SFT2D1: variants seen among roughly 807,000 people sequenced by gnomAD.
The protein encoded by SFT2D1 is SFT2 domain containing 1, also known as vesicle transport protein SFT2A.
SFT2D1 carries 24 observed loss-of-function variants against 28.1 expected under a neutral mutation model. The observed-to-expected ratio is 0.85, with a 90% CI of 0.62 to 1.20. SFT2D1 has a LOEUF of 1.20. Among genes scored for constraint, SFT2D1 ranks in the 50% most tolerant of loss-of-function variants. The pLI is 0.00. For missense variants in SFT2D1, 181 were observed against 190.9 expected (o/e 0.95, Z 0.31); for synonymous variants, 82 against 73.7 (o/e 1.11, Z -0.58).
At position 166,330,684 on chromosome 6, in the gene SFT2D1, C is replaced by T. The variant is rs191538308; in HGVS notation, c.64-437G>A. On this transcript the variant is annotated intron_variant, in intron 1 of 7. Coordinates refer to ENST00000361731, the MANE Select transcript of SFT2D1 (RefSeq NM_145169.3). ...CTCTCTGCCTCTGCAGGACGAATTC[C>T]TCAGGCTCCTAGATGCCAGAGTCTG... Among the ~76,000 whole-genome samples the T allele has an allele frequency of 6.6e-5, 10 of 152,364 alleles. No homozygotes were observed. The East Asian group carries it at 1.7e-3, about 26-fold the overall frequency.
Position 166,322,788 on chromosome 6 carries a change from C to T in SFT2D1, c.440+69G>A, listed in dbSNP as rs1778380787. The T allele has an allele frequency of 2.4e-6, 3 of 1,242,990 alleles. No homozygotes were observed. The Admixed American group carries it at 5.9e-5, about 24-fold the overall frequency. The allele number at this position is 1,242,990 out of a possible 1,614,324, so 77.0% of individuals were successfully genotyped here. ...AAATAGTATTTTTATGTAAAAATTA[C>T]TTAAATTCATATATTTGTGTGAAGA... On this transcript the variant is annotated intron_variant, in intron 7 of 7. Transcript: ENST00000361731.
chr6:166,334,394 C>A (rs1013886478), intron 1 of SFT2D1, among the ~76,000 whole-genome samples: 1 of 152,236 alleles, frequency 6.6e-6, no homozygotes, highest in Non-Finnish European at 1.5e-5. Context: ...CAGTTCAAGA[C>A]CTGCCTGGGC....
intron 6 of SFT2D1, 100 bp downstream of exon 6, chr6:166,324,437 A>C: frequency 8.3e-7 from 1 of 1,209,332 alleles, no homozygotes. Flanking sequence ...GTCTGGCTCC[A>C]AAACACCAGA....
At chr6:166,325,065 G>A (rs1022634154) in intron 5 of SFT2D1, among the ~76,000 whole-genome samples, 3 of 151,982 alleles carry the variant, frequency 2.0e-5, no homozygotes, top group Non-Finnish European at 4.4e-5. Flanking sequence ...CAGTTTCCAT[G>A]GTTGTTTTAA....
intron 1 of SFT2D1, chr6:166,334,795 C>T (rs910239353): frequency 4.4e-5 from 18 of 410,200 alleles, no homozygotes; most frequent in Non-Finnish European, 8.0e-5. Flanking sequence ...GAGGTGGATG[C>T]GCCATGAATG....
Position 166,320,140 on chromosome 6 carries a change from GT to G in SFT2D1, c.*76del. 6 of 1,415,394 alleles carry G rather than the reference GT, an allele frequency of 4.2e-6. No homozygotes were observed. The highest frequency in any genetic ancestry group is 6.0e-6 in the Non-Finnish European group (6 of 1,007,276). The allele number at this position is 1,415,394 out of a possible 1,614,324, so 87.7% of individuals were successfully genotyped here. Reference sequence around the variant, plus strand: ...CTGTCACGTCAGTTGTTCCTGGAGTGTTTTATGGGGAAAAGCAAACTTCACC... The same window carrying G: ...CTGTCACGTCAGTTGTTCCTGGAGTGTTTATGGGGAAAAGCAAACTTCACC... On this transcript the variant is annotated 3_prime_UTR_variant, in exon 8 of 8. Coordinates refer to ENST00000361731, the MANE Select transcript of SFT2D1 (RefSeq NM_145169.3).
intron 1 of SFT2D1, among the ~76,000 whole-genome samples, chr6:166,330,705 G>GTCTGAGTGCA (rs1224662622): frequency 7.2e-5 from 11 of 152,256 alleles, no homozygotes; most frequent in Non-Finnish European, 1.0e-4. Context: ...AGATGCCAGA[G>GTCTGAGTGCA]TCTGAGTGCA....
At chr6:166,341,530 C>G (rs929473144) in intron 1 of SFT2D1, among the ~76,000 whole-genome samples, 1 of 151,792 alleles carries the variant, frequency 6.6e-6, no homozygotes, top group Admixed American at 6.6e-5. Flanking sequence ...AGAACAGATA[C>G]TTGTCTTACA....
At chr6:166,337,611 G>C (rs1391919095) in intron 1 of SFT2D1, among the ~76,000 whole-genome samples, 1 of 152,048 alleles carries the variant, frequency 6.6e-6, no homozygotes, top group Non-Finnish European at 1.5e-5. Flanking sequence ...CCTACCATGG[G>C]AACAGTGAGG....
Position 166,342,470 on chromosome 6 carries a change from C to A in SFT2D1, c.12G>T (p.Leu4=). MEK[L]RRVLSGQDDE... is the part of the protein sequence containing the mutation. ...CGTCCTGGCCGCTCAGGACTCGCCGCAGCTTCTCCATGGCCCTGTTACAGG... is the reference window on the plus strand; with the variant it reads ...CGTCCTGGCCGCTCAGGACTCGCCGAAGCTTCTCCATGGCCCTGTTACAGG... The change falls in exon 1 of 8, where the codon CTG becomes CTT. Residue 4 remains leucine (L), a synonymous_variant. Transcript: ENST00000361731. 2 of 1,555,536 alleles carry A rather than the reference C, an allele frequency of 1.3e-6. No homozygotes were observed. The highest frequency in any genetic ancestry group is 1.7e-6 in the Non-Finnish European group (2 of 1,150,226).
chr6:166,341,991 A>G (rs1019122274), intron 1 of SFT2D1, among the ~76,000 whole-genome samples: 1 of 152,144 alleles, frequency 6.6e-6, no homozygotes, highest in African/African-American at 2.4e-5. Context: ...CTTTACCTCC[A>G]AAGACAAACA....
chr6:166,339,027 C>T (rs765846991), intron 1 of SFT2D1, among the ~76,000 whole-genome samples: 8 of 152,072 alleles, frequency 5.3e-5, no homozygotes, highest in Non-Finnish European at 1.2e-4. Flanking sequence ...AATGTGCCCG[C>T]CATCCTGGTT....
rs75642330 is a variant in SFT2D1, at chr6:166,339,572, C to G, written c.63+2847G>C. Among the ~76,000 whole-genome samples, 764 of 152,270 alleles carry G rather than the reference C, an allele frequency of 5.0e-3. 27 individuals are homozygous for G. In the South Asian group the frequency reaches 0.08, roughly 16 times the overall value. On this transcript the variant is annotated intron_variant, in intron 1 of 7. Transcript: ENST00000361731. Reference sequence around the variant, plus strand: ...CTTTCTATTCTCCCCTGACTTCAATCAGGCCTCTGACCCCATCCAGCCACC... The same window carrying G: ...CTTTCTATTCTCCCCTGACTTCAATGAGGCCTCTGACCCCATCCAGCCACC...
chr6:166,335,008 A>G (rs1778618952), intron 1 of SFT2D1: 2 of 495,934 alleles, frequency 4.0e-6, no homozygotes. Flanking sequence ...GTGCCAAGAA[A>G]AGGGGCTATG....
chr6:166,327,348 C>T (rs778316007), intron 4 of SFT2D1, among the ~76,000 whole-genome samples: 16 of 152,140 alleles, frequency 1.1e-4, no homozygotes, highest in Non-Finnish European at 1.8e-4. Flanking sequence ...CAGCTGAACA[C>T]CCAGCACGTA....
At chr6:166,330,137 A>T in intron 2 of SFT2D1, 24 bp downstream of exon 2, 1 of 1,499,732 alleles carries the variant, frequency 6.7e-7, no homozygotes, top group South Asian at 1.3e-5. Flanking sequence ...AAAAATTATT[A>T]AACAATATAA....
chr6:166,341,398 G>A (rs1778778207), intron 1 of SFT2D1, among the ~76,000 whole-genome samples: 1 of 148,826 alleles, frequency 6.7e-6, no homozygotes, highest in South Asian at 2.1e-4. Context: ...GCAGCGAGTC[G>A]AGATCACGCC....
chr6:166,342,200 C>CGGG (rs397698776), intron 1 of SFT2D1, among the ~76,000 whole-genome samples: 3 of 150,764 alleles, frequency 2.0e-5, no homozygotes, highest in South Asian at 2.1e-4. Context: ...ATGGGAGAGT[C>CGGG]GGGGGGGGGC....
intron 1 of SFT2D1, among the ~76,000 whole-genome samples, chr6:166,332,285 T>C (rs976962846): frequency 8.5e-5 from 13 of 152,208 alleles, no homozygotes; most frequent in Non-Finnish European, 5.9e-5. Flanking sequence ...AAGCATTTTT[T>C]TGAGACAGAG....
Sources: gnomAD v4.1 joint callset for allele counts (sites outside exome capture counted in the v4.1 genomes callset) on GRCh38, gnomAD v4.1.1 for gene constraint, MANE v1.5 for transcripts, NCBI Gene and HGNC (gene_info 2026-07-23, HGNC 2026-07-21) for gene names.